Variants in PSD3 observed in about 807,000 individuals in gnomAD.
PSD3 encodes PH and SEC7 domain-containing protein 3.
PSD3 carries 49 observed loss-of-function variants against 105.5 expected under a neutral mutation model. The ratio of observed to expected loss-of-function variants is 0.46; its 90% CI spans 0.37 to 0.59. The LOEUF (loss-of-function observed/expected upper bound fraction) is 0.59, where lower values mean the gene tolerates loss of function less well. PSD3 is among the 20% of genes least tolerant of loss of function. PSD3 has a pLI of 0.00. For synonymous variants in PSD3, 557 were observed against 457.8 expected (o/e 1.22, Z -2.77); for missense variants, 1,561 against 1,263.8 (o/e 1.24, Z -3.57).
chr8:18,657,849 C>T (rs1175333595), intron 9 of PSD3, among the ~76,000 whole-genome samples: 1 of 152,170 alleles, frequency 6.6e-6, no homozygotes, highest in Non-Finnish European at 1.5e-5. Context: ...CAGAGTAATT[C>T]AAAATGTGGC....
intron 4 of PSD3, among the ~76,000 whole-genome samples, chr8:18,840,995 A>G (rs1365765238): frequency 1.3e-5 from 2 of 152,190 alleles, no homozygotes; most frequent in African/African-American, 4.8e-5. Context: ...AGTCTACTAC[A>G]CTTGGTAAGG....
chr8:18,741,968 C>T (rs947935557), intron 9 of PSD3, among the ~76,000 whole-genome samples: 1 of 151,796 alleles, frequency 6.6e-6, no homozygotes, highest in Non-Finnish European at 1.5e-5. Context: ...TATACTTAAA[C>T]GAAAGTGTTT....
intron 2 of PSD3, among the ~76,000 whole-genome samples, chr8:18,935,240 G>C (rs890445750): frequency 9.2e-5 from 14 of 152,054 alleles, no homozygotes; most frequent in African/African-American, 3.4e-4. Context: ...AGTTCCAGAA[G>C]ACTAAATTTG....
At chr8:18,698,198 AACTGAGCC>A (rs1259580779) in intron 9 of PSD3, among the ~76,000 whole-genome samples, 1 of 152,186 alleles carries the variant, frequency 6.6e-6, no homozygotes, top group Non-Finnish European at 1.5e-5. Flanking sequence ...TCCTAGGCTC[AACTGAGCC>A]TCCTGCTTCA....
chr8:19,045,010 C>T (rs1164390790), intron 1 of PSD3, among the ~76,000 whole-genome samples: 1 of 152,086 alleles, frequency 6.6e-6, no homozygotes, highest in Non-Finnish European at 1.5e-5. Flanking sequence ...CATCGTGAAA[C>T]CCTGTCTATA....
chr8:18,718,205 T>A (rs1047995599), intron 9 of PSD3, among the ~76,000 whole-genome samples: 1 of 152,252 alleles, frequency 6.6e-6, no homozygotes. Flanking sequence ...TTACCTTGTA[T>A]GTAATAGTCT....
chr8:18,637,229 C>CT (rs1187497449), intron 10 of PSD3, among the ~76,000 whole-genome samples: 1 of 152,120 alleles, frequency 6.6e-6, no homozygotes, highest in Non-Finnish European at 1.5e-5. Context: ...TGGGTGAGCT[C>CT]TTTTTTTCTC....
At chr8:18,605,810 T>C (rs1804785471) in intron 11 of PSD3, among the ~76,000 whole-genome samples, 1 of 152,122 alleles carries the variant, frequency 6.6e-6, no homozygotes, top group South Asian at 2.1e-4. Context: ...GAGATCTGGT[T>C]GTTTAAAAGT....
chr8:18,626,217 T>C (rs538674389), intron 11 of PSD3, among the ~76,000 whole-genome samples: 1 of 151,970 alleles, frequency 6.6e-6, no homozygotes, highest in South Asian at 2.1e-4. Flanking sequence ...AAAATATGGA[T>C]GCAGTCTGAC....
At chr8:18,807,332 G>A (rs1308476581) in intron 4 of PSD3, among the ~76,000 whole-genome samples, 1 of 152,186 alleles carries the variant, frequency 6.6e-6, no homozygotes, top group Non-Finnish European at 1.5e-5. Context: ...CACAGGATTA[G>A]AAGGAGTTAA....
intron 2 of PSD3, among the ~76,000 whole-genome samples, chr8:18,902,063 T>C (rs1330155106): frequency 6.6e-6 from 1 of 152,232 alleles, no homozygotes; most frequent in Non-Finnish European, 1.5e-5. Context: ...TTGGAGACTT[T>C]TGAGATTCCT....
At chr8:18,906,519 A>G (rs1463872663) in intron 2 of PSD3, among the ~76,000 whole-genome samples, 1 of 152,210 alleles carries the variant, frequency 6.6e-6, no homozygotes, top group Non-Finnish European at 1.5e-5. Flanking sequence ...ACTACTTGCT[A>G]GGAAGGCTCT....
chr8:18,572,502 G>C (rs752942706), intron 14 of PSD3, 26 bp downstream of exon 14: 1 of 1,604,966 alleles, frequency 6.2e-7, no homozygotes, highest in Non-Finnish European at 8.5e-7. Flanking sequence ...TTTTTCCCAA[G>C]GTCAAAGCAC....
At chr8:18,766,873 C>A (rs1024991809) in intron 8 of PSD3, among the ~76,000 whole-genome samples, 1 of 152,142 alleles carries the variant, frequency 6.6e-6, no homozygotes, top group Non-Finnish European at 1.5e-5. Context: ...AGGAGAGAAA[C>A]CCTAACCTTC....
intron 9 of PSD3, among the ~76,000 whole-genome samples, chr8:18,694,928 A>G (rs1385828317): frequency 6.6e-6 from 1 of 152,216 alleles, no homozygotes. Context: ...TAGCATAAAA[A>G]TACTAACTCT....
At chr8:18,630,666 T>G (rs949495913) in intron 11 of PSD3, among the ~76,000 whole-genome samples, 1 of 151,938 alleles carries the variant, frequency 6.6e-6, no homozygotes, top group African/African-American at 2.4e-5. Flanking sequence ...TTATTCTTTT[T>G]TTTTTCTCTA....
intron 14 of PSD3, among the ~76,000 whole-genome samples, chr8:18,565,394 T>C (rs899575545): frequency 1.3e-5 from 2 of 152,164 alleles, no homozygotes; most frequent in African/African-American, 4.8e-5. Flanking sequence ...AGCACTGTCA[T>C]GAAAAACAAA....
intron 10 of PSD3, among the ~76,000 whole-genome samples, chr8:18,651,867 T>C (rs1357911508): frequency 2.6e-5 from 4 of 152,182 alleles, no homozygotes; most frequent in Admixed American, 6.5e-5. Flanking sequence ...AAATCAATTA[T>C]TGGCAGAACG....
chr8:19,015,440 C>T (rs1827149927), upstream of PSD3, among the ~76,000 whole-genome samples: 1 of 152,170 alleles, frequency 6.6e-6, no homozygotes, highest in African/African-American at 2.4e-5. Flanking sequence ...TGCGTACATA[C>T]CCTACAGAGA....
Sources: gnomAD v4.1 joint callset for allele counts (sites outside exome capture counted in the v4.1 genomes callset) on GRCh38, gnomAD v4.1.1 for gene constraint, MANE v1.5 for transcripts, NCBI Gene and HGNC (gene_info 2026-07-23, HGNC 2026-07-21) for gene names.